The following RYR2 variants were observed in gnomAD, a reference collection of about 807,000 sequenced individuals.
RYR2 encodes ryanodine receptor 2.
Under a neutral mutation model 601.1 loss-of-function variants are expected in RYR2, and 227 were observed. The observed-to-expected ratio is 0.38, with a 90% CI of 0.34 to 0.42. The LOEUF (loss-of-function observed/expected upper bound fraction) is 0.42, where lower values mean the gene tolerates loss of function less well. Ranked by LOEUF, RYR2 falls within the 10% of genes least tolerant of loss-of-function variation. The pLI, the probability that RYR2 is intolerant of heterozygous loss-of-function variation, is 1.00. For missense variants in RYR2, 4,646 were observed against 6,156.5 expected (o/e 0.75, Z 8.21); for synonymous variants, 2,223 against 2,175.1 (o/e 1.02, Z -0.61).
chr1:237,516,879 A>C (rs555579236), intron 24 of RYR2, among the ~76,000 whole-genome samples: 35 of 152,236 alleles, frequency 2.3e-4, no homozygotes, highest in Admixed American at 4.6e-4. Context: ...AGCCACCATC[A>C]TCTGTCACCC....
chr1:237,789,819 C>T (rs886229107), intron 92 of RYR2, among the ~76,000 whole-genome samples: 10 of 152,212 alleles, frequency 6.6e-5, no homozygotes, highest in Admixed American at 1.3e-4. Flanking sequence ...TGGCCACATC[C>T]GTCTAACAAA....
intron 17 of RYR2, among the ~76,000 whole-genome samples, chr1:237,472,805 C>T (rs563568214): frequency 3.4e-4 from 52 of 151,868 alleles, no homozygotes; most frequent in Non-Finnish European, 5.4e-4. Flanking sequence ...ATATGTACAC[C>T]GCTGTTTACT....
intron 1 of RYR2, among the ~76,000 whole-genome samples, chr1:237,185,071 TC>T (rs1006328686): frequency 6.6e-6 from 1 of 152,002 alleles, no homozygotes; most frequent in African/African-American, 2.4e-5. Context: ...CTACTGTGTT[TC>T]CCAGACTGGT....
Position 237,274,451 on chromosome 1 carries a change from A to C in RYR2, c.168+3835A>C, listed in dbSNP as rs372816769. Among the ~76,000 whole-genome samples the C allele has an allele frequency of 6.6e-5, 10 of 152,252 alleles. No individual in the cohort carries two copies. The South Asian group carries it at 1.9e-3, about 28-fold the overall frequency. ...AAATAGGAAAGAGGTGTCTAGAACA[A>C]AGATATAAAGAAAATATTTTCATAC... On this transcript the variant is annotated intron_variant, in intron 2 of 104. Transcript: ENST00000366574.
At chr1:237,508,383 A>G (rs1665482583) in intron 23 of RYR2, among the ~76,000 whole-genome samples, 1 of 152,148 alleles carries the variant, frequency 6.6e-6, no homozygotes, top group South Asian at 2.1e-4. Context: ...GAGGAATTAC[A>G]GGCAACATTC....
Position 237,192,249 on chromosome 1 carries a change from C to G in RYR2, c.49-78248C>G, listed in dbSNP as rs183028108. Among the ~76,000 whole-genome samples, 620 of 152,204 alleles carry G rather than the reference C, an allele frequency of 4.1e-3. 13 individuals carry two copies. The highest frequency in any genetic ancestry group is 0.032 in the Admixed American group (496 of 15,288). The stretch of plus-strand genomic sequence containing the variant: ...TTTGAGACAGAGTCTCGCTCTGTCA[C>G]CCAGGCTGGAGTGCAATGGTGTGAT... On this transcript the variant is annotated intron_variant, in intron 1 of 104. Coordinates refer to ENST00000366574, the MANE Select transcript of RYR2 (RefSeq NM_001035.3).
chr1:237,757,100 C>T (rs533204764), intron 81 of RYR2, among the ~76,000 whole-genome samples: 27 of 152,048 alleles, frequency 1.8e-4, no homozygotes, highest in Non-Finnish European at 3.1e-4. Flanking sequence ...TTATTAGGTA[C>T]CCTTGTCCTT....
intron 58 of RYR2, among the ~76,000 whole-genome samples, chr1:237,669,577 CA>C (rs1465955119): frequency 1.3e-5 from 2 of 149,192 alleles, no homozygotes; most frequent in Non-Finnish European, 3.0e-5. Context: ...TCAGACGGGG[CA>C]GTTGCCAGGC....
At chr1:237,459,529 C>A (rs1659227468) in intron 16 of RYR2, among the ~76,000 whole-genome samples, 1 of 152,142 alleles carries the variant, frequency 6.6e-6, no homozygotes, top group Non-Finnish European at 1.5e-5. Context: ...CATATCAACT[C>A]TTTTTATAGT....
chr1:237,163,126 A>G (rs1159643269), intron 1 of RYR2, among the ~76,000 whole-genome samples: 4 of 152,220 alleles, frequency 2.6e-5, no homozygotes, highest in Non-Finnish European at 4.4e-5. Flanking sequence ...GACTTGAAAT[A>G]TACAACCACT....
intron 1 of RYR2, among the ~76,000 whole-genome samples, chr1:237,258,877 C>T (rs1045757220): frequency 1.3e-5 from 2 of 152,144 alleles, no homozygotes; most frequent in Non-Finnish European, 2.9e-5. Flanking sequence ...AAGTTCCTTT[C>T]TGATAGAAGT....
chr1:237,779,119 A>G (rs576314433), intron 88 of RYR2, among the ~76,000 whole-genome samples: 15 of 152,272 alleles, frequency 9.9e-5, no homozygotes, highest in African/African-American at 3.6e-4. Context: ...TTCCCCTTAC[A>G]GATAATTGAA....
intron 8 of RYR2, among the ~76,000 whole-genome samples, chr1:237,384,408 C>T (rs1168285747): frequency 6.6e-6 from 1 of 152,190 alleles, no homozygotes; most frequent in Non-Finnish European, 1.5e-5. Flanking sequence ...GCTGTCAGCC[C>T]CAAAGACAAA....
intron 10 of RYR2, among the ~76,000 whole-genome samples, chr1:237,409,312 T>A (rs1704207431): frequency 6.6e-6 from 1 of 152,120 alleles, no homozygotes; most frequent in Non-Finnish European, 1.5e-5. Context: ...AGATGTTCTT[T>A]ATCAACTTGA....
At chr1:237,450,813 A>G (rs1030324521) in intron 14 of RYR2, among the ~76,000 whole-genome samples, 12 of 152,186 alleles carry the variant, frequency 7.9e-5, no homozygotes, top group African/African-American at 2.4e-4. Flanking sequence ...TGATCACCTG[A>G]GAAGTGCCAT....
At chr1:237,342,602 G>A (rs1242036170) in intron 3 of RYR2, among the ~76,000 whole-genome samples, 1 of 152,168 alleles carries the variant, frequency 6.6e-6, no homozygotes. Context: ...CATTCTGAGA[G>A]TGAGCATGAG....
rs1558912432 is a variant in RYR2 at position 237,492,856 on chromosome 1, G to GA, written c.1828-96dup. 7 of 1,214,954 alleles carry GA rather than the reference G, an allele frequency of 5.8e-6. No individual in the cohort carries two copies. In the Admixed American group the frequency reaches 1.7e-4, roughly 30 times the overall value. 75.3% of individuals were successfully genotyped at this position (1,214,954 alleles called of 1,614,324 possible). A position where few individuals can be genotyped will look rare whatever the true frequency, so the allele number is the denominator to read the frequency against. On this transcript the variant is annotated intron_variant, in intron 18 of 104. Coordinates refer to ENST00000366574, the MANE Select transcript of RYR2 (RefSeq NM_001035.3). ...GGAAGGAAGGAAGGAAGGAAGGAAGGAAGGAAGGAAGGAAGAAGGGAAGGA... is the reference window on the plus strand; with the variant it reads ...GGAAGGAAGGAAGGAAGGAAGGAAGGAAAGGAAGGAAGGAAGAAGGGAAGGA...
Position 237,418,647 on chromosome 1 carries a change from G to A in RYR2, c.848+1524G>A, listed in dbSNP as rs554763221. 5.3e-5 allele frequency among the ~76,000 whole-genome samples: 8 copies of A among 152,120 alleles called. No homozygotes were observed. In the East Asian group the frequency reaches 1.5e-3, roughly 29 times the overall value. ...CTGTGGTTTAATACCTTTGTTTATT[G>A]AAAATGGTCTTCTTTAACAATAAAA... is the stretch of plus-strand genomic sequence containing the variant. On this transcript the variant is annotated intron_variant, in intron 11 of 104. Coordinates refer to ENST00000366574, the MANE Select transcript of RYR2 (RefSeq NM_001035.3).
intron 91 of RYR2, among the ~76,000 whole-genome samples, chr1:237,787,603 A>C (rs111621223): frequency 0.17 from 25,091 of 147,570 alleles, 1,706 homozygotes; most frequent in Middle Eastern, 0.22. Context: ...AAAACAAAAA[A>C]AAAAAAAAAA....
Sources: gnomAD v4.1 joint callset for allele counts (sites outside exome capture counted in the v4.1 genomes callset) on GRCh38, gnomAD v4.1.1 for gene constraint, MANE v1.5 for transcripts, NCBI Gene and HGNC (gene_info 2026-07-23, HGNC 2026-07-21) for gene names.